EYS: variants seen among roughly 807,000 people sequenced by gnomAD.
The protein encoded by EYS is EGF-like photoreceptor maintenance factor.
In EYS, 250 loss-of-function variants were observed where a neutral mutation model predicts 282.1. The ratio of observed to expected loss-of-function variants is 0.89; its 90% CI spans 0.80 to 0.98. The LOEUF (loss-of-function observed/expected upper bound fraction) is 0.98. Ranked by LOEUF, EYS falls within the 50% of genes least tolerant of loss-of-function variation. The pLI is 0.00. For synonymous variants in EYS, 1,355 were observed against 1,282.9 expected (o/e 1.06, Z -1.20); for missense variants, 4,016 against 3,709.0 (o/e 1.08, Z -2.15).
chr6:64,727,690 T>C (rs1223661746), intron 22 of EYS, among the ~76,000 whole-genome samples: 1 of 152,174 alleles, frequency 6.6e-6, no homozygotes, highest in Non-Finnish European at 1.5e-5. Context: ...AATTAATTAA[T>C]CATCTTAGCC....
intron 22 of EYS, among the ~76,000 whole-genome samples, chr6:64,801,524 A>C (rs1455204675): frequency 7.3e-6 from 1 of 137,872 alleles, no homozygotes; most frequent in Admixed American, 8.3e-5. Context: ...AAAGCTGCTG[A>C]AATTGTTATA....
chr6:64,799,451 A>C (rs901887765), intron 22 of EYS, among the ~76,000 whole-genome samples: 1 of 151,808 alleles, frequency 6.6e-6, no homozygotes, highest in African/African-American at 2.4e-5. Context: ...CCATTTGTTT[A>C]CAAGTTTCAC....
chr6:65,243,226 T>G (rs1339429198), intron 12 of EYS, among the ~76,000 whole-genome samples: 4 of 152,336 alleles, frequency 2.6e-5, no homozygotes, highest in African/African-American at 9.6e-5. Flanking sequence ...CTCAAAGATA[T>G]TGTGGGTTCT....
At chr6:64,030,528 A>G (rs370557846) in intron 33 of EYS, among the ~76,000 whole-genome samples, 3 of 152,190 alleles carry the variant, frequency 2.0e-5, no homozygotes, top group South Asian at 4.1e-4. Flanking sequence ...TTCTTAGGGA[A>G]AGAGTGTTGT....
At chr6:63,845,525 G>GA (rs565790582) in intron 36 of EYS, among the ~76,000 whole-genome samples, 11 of 149,000 alleles carry the variant, frequency 7.4e-5, no homozygotes, top group East Asian at 2.0e-4. Flanking sequence ...AATGGAGGGT[G>GA]AAAAAAAAAG....
At chr6:64,043,780 C>T (rs965862823) in intron 33 of EYS, among the ~76,000 whole-genome samples, 13 of 152,178 alleles carry the variant, frequency 8.5e-5, no homozygotes, top group African/African-American at 3.1e-4. Flanking sequence ...ATCTAAGAGG[C>T]TTTGTTCTGT....
intron 19 of EYS, among the ~76,000 whole-genome samples, chr6:64,848,104 A>G (rs2150039635): frequency 6.6e-6 from 1 of 152,028 alleles, no homozygotes; most frequent in African/African-American, 2.4e-5. Context: ...GCTCATTACA[A>G]CCCTCTGTCT....
At chr6:63,992,792 A>G (rs1423073021) in intron 34 of EYS, among the ~76,000 whole-genome samples, 1 of 151,736 alleles carries the variant, frequency 6.6e-6, no homozygotes, top group African/African-American at 2.4e-5. Context: ...GAAAGTATGG[A>G]AAAATATATT....
At chr6:64,866,735 T>C (rs1314318810) in intron 19 of EYS, among the ~76,000 whole-genome samples, 2 of 151,774 alleles carry the variant, frequency 1.3e-5, no homozygotes, top group Non-Finnish European at 3.0e-5. Context: ...AAGATGAAAT[T>C]TGTGATTTTT....
intron 12 of EYS, among the ~76,000 whole-genome samples, chr6:65,216,376 T>A (rs567477312): frequency 2.6e-5 from 4 of 152,134 alleles, no homozygotes; most frequent in African/African-American, 9.6e-5. Context: ...AATATATGCA[T>A]TGTATCATGA....
intron 35 of EYS, among the ~76,000 whole-genome samples, chr6:63,930,792 A>C (rs1234527613): frequency 6.6e-6 from 1 of 152,140 alleles, no homozygotes. Context: ...CACCACAGGC[A>C]TAAATTAATG....
At chr6:65,163,147 T>C (rs565091629) in intron 12 of EYS, among the ~76,000 whole-genome samples, 1 of 151,382 alleles carries the variant, frequency 6.6e-6, no homozygotes, top group East Asian at 2.0e-4. Context: ...ACCTCTTGAG[T>C]TCTCCATTAT....
At chr6:63,995,175 G>A (rs1451201434) in intron 34 of EYS, among the ~76,000 whole-genome samples, 2 of 151,748 alleles carry the variant, frequency 1.3e-5, no homozygotes, top group South Asian at 2.1e-4. Flanking sequence ...CAACTCAATA[G>A]CAATGAACAA....
intron 28 of EYS, among the ~76,000 whole-genome samples, chr6:64,396,431 T>C (rs1388625403): frequency 6.6e-6 from 1 of 152,132 alleles, no homozygotes; most frequent in Non-Finnish European, 1.5e-5. Context: ...AGTTTTTTAA[T>C]GGTGTTTTTT....
chr6:64,441,735 C>G (rs1329792387), intron 26 of EYS, among the ~76,000 whole-genome samples: 5 of 152,238 alleles, frequency 3.3e-5, no homozygotes, highest in African/African-American at 1.2e-4. Context: ...ATTTTAAAAA[C>G]AAGAGTTGCC....
intron 41 of EYS, among the ~76,000 whole-genome samples, chr6:63,737,266 A>T: frequency 6.6e-6 from 1 of 152,192 alleles, no homozygotes; most frequent in Non-Finnish European, 1.5e-5. Flanking sequence ...CATCCCATCA[A>T]TACCTAATTT....
intron 33 of EYS, among the ~76,000 whole-genome samples, chr6:64,021,258 T>A (rs1769177416): frequency 6.6e-6 from 1 of 152,152 alleles, no homozygotes; most frequent in Admixed American, 6.5e-5. Context: ...ATTGAGCATT[T>A]TCTTAAGCCA....
chr6:64,894,996 G>A (rs1167828152), intron 18 of EYS, among the ~76,000 whole-genome samples: 1 of 152,062 alleles, frequency 6.6e-6, no homozygotes, highest in Non-Finnish European at 1.5e-5. Flanking sequence ...ATCTTGTCAT[G>A]CCCCTTTAGA....
chr6:64,280,950 T>A (rs1192201382), intron 30 of EYS, among the ~76,000 whole-genome samples: 1 of 152,144 alleles, frequency 6.6e-6, no homozygotes, highest in African/African-American at 2.4e-5. Context: ...TGGAAATGAA[T>A]GTTTCCTTTG....
Sources: gnomAD v4.1 joint callset for allele counts (sites outside exome capture counted in the v4.1 genomes callset) on GRCh38, gnomAD v4.1.1 for gene constraint, MANE v1.5 for transcripts, NCBI Gene and HGNC (gene_info 2026-07-23, HGNC 2026-07-21) for gene names.